TIAM1: variants seen among roughly 807,000 people sequenced by gnomAD.
The protein encoded by TIAM1 is rho guanine nucleotide exchange factor TIAM1.
TIAM1 carries 65 observed loss-of-function variants against 163.5 expected under a neutral mutation model. That is an observed-to-expected ratio of 0.40 (90% CI 0.33 to 0.49). TIAM1 has a LOEUF of 0.49. Among genes scored for constraint, TIAM1 ranks in the 20% least tolerant of loss-of-function variants. The pLI is 0.77. For synonymous variants in TIAM1, 833 were observed against 810.1 expected, an observed-to-expected ratio of 1.03 and a Z score of -0.48; for missense variants, 1,789 against 2,044.7, an observed-to-expected ratio of 0.87 and a Z score of 2.41.
At chr21:31,396,211 T>C (rs1452512862) in intron 2 of TIAM1, among the ~76,000 whole-genome samples, 1 of 152,250 alleles carries the variant, frequency 6.6e-6, no homozygotes, top group Non-Finnish European at 1.5e-5. Flanking sequence ...TGCCGATTCC[T>C]ACTGCCCAAA....
intron 4 of TIAM1, among the ~76,000 whole-genome samples, chr21:31,257,509 C>T (rs2072184948): frequency 6.6e-6 from 1 of 152,098 alleles, no homozygotes; most frequent in Non-Finnish European, 1.5e-5. Context: ...TCATCCCTCC[C>T]CTCCCTCCTC....
chr21:31,412,512 T>C (rs1232971399), intron 2 of TIAM1, among the ~76,000 whole-genome samples: 1 of 152,068 alleles, frequency 6.6e-6, no homozygotes, highest in Non-Finnish European at 1.5e-5. Context: ...CCAGGCACAG[T>C]GGCTCACGCC....
At chr21:31,436,825 G>A (rs936399444) in intron 2 of TIAM1, among the ~76,000 whole-genome samples, 1 of 151,224 alleles carries the variant, frequency 6.6e-6, no homozygotes, top group Admixed American at 6.6e-5. Context: ...GGGTGTGGTG[G>A]TGCATGCCTG....
rs1242354741 is a variant in TIAM1 at position 31,120,584 on chromosome 21, C to T, written c.4560G>A (p.Val1520=). 1.2e-6 allele frequency: 2 copies of T among 1,614,062 alleles called. No homozygotes were observed. Among genetic ancestry groups the T allele is most frequent in the African/African-American group, 1.3e-5 (1 of 74,930 alleles). ...EFCESVKGAS[V]DRDLQERLQA... is the part of the protein sequence containing the mutation. Reference sequence around the variant, plus strand: ...GAAGCCGCTCCTGCAGGTCTCTGTCCACTGAGGCACCCTTCACGGACTCAC... The same window carrying T: ...GAAGCCGCTCCTGCAGGTCTCTGTCTACTGAGGCACCCTTCACGGACTCAC... Residue 1520 remains valine, a synonymous_variant, in exon 28 of 28, where the codon GTG becomes GTA. Transcript: ENST00000541036. The surrounding 1 kb of genome is among the most constrained non-coding windows in gnomAD (Gnocchi z 4.2).
At chr21:31,244,936 C>G (rs2071412711) in intron 6 of TIAM1, among the ~76,000 whole-genome samples, 1 of 152,162 alleles carries the variant, frequency 6.6e-6, no homozygotes, top group East Asian at 1.9e-4. Context: ...AATGTTAATC[C>G]TGAAGCAGTT....
intron 2 of TIAM1, among the ~76,000 whole-genome samples, chr21:31,417,179 CG>C (rs2043402806): frequency 3.3e-5 from 5 of 152,130 alleles, no homozygotes; most frequent in Admixed American, 3.3e-4. Flanking sequence ...TGCGCCACCA[CG>C]TCTGGCTAAT....
At chr21:31,496,951 T>C (rs1301411959) in intron 1 of TIAM1, among the ~76,000 whole-genome samples, 1 of 152,188 alleles carries the variant, frequency 6.6e-6, no homozygotes, top group Non-Finnish European at 1.5e-5. Context: ...GCACGCAACC[T>C]ACATCCCTCG....
chr21:31,479,436 A>AATGGAAGG (rs1211219749), intron 1 of TIAM1, among the ~76,000 whole-genome samples: 1 of 143,916 alleles, frequency 6.9e-6, no homozygotes, highest in East Asian at 2.0e-4. Flanking sequence ...CGGACGGATG[A>AATGGAAGG]ATGGAAGGAT....
At chr21:31,263,158 G>T (rs140076399) in intron 4 of TIAM1, among the ~76,000 whole-genome samples, 4 of 152,134 alleles carry the variant, frequency 2.6e-5, no homozygotes, top group Non-Finnish European at 4.4e-5. Flanking sequence ...AACATATAAA[G>T]TCAATACAAA....
intron 2 of TIAM1, among the ~76,000 whole-genome samples, chr21:31,372,044 G>A (rs2076605382): frequency 6.6e-6 from 1 of 152,148 alleles, no homozygotes; most frequent in Admixed American, 6.6e-5. Flanking sequence ...AAGCAACCCT[G>A]AGGCAATATG....
chr21:31,435,199 C>T (rs116644331), intron 2 of TIAM1, among the ~76,000 whole-genome samples: 659 of 152,284 alleles, frequency 4.3e-3, no homozygotes, highest in African/African-American at 0.015. Context: ...GCAGTCTCAG[C>T]CTTCATGTCT....
intron 2 of TIAM1, among the ~76,000 whole-genome samples, chr21:31,359,527 G>C (rs9976930): frequency 0.3 from 44,908 of 152,022 alleles, 6,950 homozygotes; most frequent in East Asian, 0.58. Flanking sequence ...GGGCATGGTG[G>C]CTCACGCTTG....
intron 1 of TIAM1, among the ~76,000 whole-genome samples, chr21:31,488,167 A>C (rs2046340620): frequency 6.6e-6 from 1 of 152,214 alleles, no homozygotes; most frequent in Non-Finnish European, 1.5e-5. Context: ...GTCGCTGAGA[A>C]GGCAGGAGAC....
At chr21:31,195,366 C>A in intron 12 of TIAM1, 61 bp from the exon 13 acceptor site, 2 of 1,185,300 alleles carry the variant, frequency 1.7e-6, no homozygotes, top group South Asian at 2.7e-5. Flanking sequence ...TAAAAATGGT[C>A]ATCATTTCAT....
At chr21:31,279,088 CTCTA>C (rs1352927173) in intron 2 of TIAM1, among the ~76,000 whole-genome samples, 1 of 151,908 alleles carries the variant, frequency 6.6e-6, no homozygotes, top group African/African-American at 2.4e-5. Context: ...AAAATTTTTT[CTCTA>C]TCTATATTCT....
At chr21:31,484,327 G>C (rs774735251) in intron 1 of TIAM1, among the ~76,000 whole-genome samples, 27 of 152,170 alleles carry the variant, frequency 1.8e-4, no homozygotes, top group Non-Finnish European at 3.5e-4. Flanking sequence ...TCTGGGCTGG[G>C]GACTGTGTGT....
intron 2 of TIAM1, among the ~76,000 whole-genome samples, chr21:31,327,301 T>C (rs1716557348): frequency 6.6e-6 from 1 of 152,150 alleles, no homozygotes; most frequent in Non-Finnish European, 1.5e-5. Context: ...ATCAGCTAAG[T>C]ACCCTTATAG....
intron 2 of TIAM1, among the ~76,000 whole-genome samples, chr21:31,331,240 AAAGT>A (rs1464704934): frequency 1.3e-5 from 2 of 152,238 alleles, no homozygotes; most frequent in African/African-American, 4.8e-5. Flanking sequence ...ATGAATTATG[AAAGT>A]AAGCATCCAT....
chr21:31,427,313 T>C (rs935736314), intron 2 of TIAM1, among the ~76,000 whole-genome samples: 3 of 152,028 alleles, frequency 2.0e-5, no homozygotes, highest in East Asian at 3.9e-4. Context: ...GGTGAAACCC[T>C]GTCTCTACTA....
Sources: allele counts gnomAD v4.1 joint callset (sites outside exome capture counted in the v4.1 genomes callset), GRCh38; gene constraint gnomAD v4.1.1; non-coding constraint Gnocchi (gnomAD v3.1); transcripts MANE v1.5; gene names NCBI Gene and HGNC (gene_info 2026-07-23, HGNC 2026-07-21).